B3GAT3: variants seen among roughly 807,000 people sequenced by gnomAD.
B3GAT3 encodes galactosylgalactosylxylosylprotein 3-beta-glucuronosyltransferase 3.
A neutral mutation model predicts 33.1 loss-of-function variants in B3GAT3; 19 were observed. The observed-to-expected ratio is 0.57, with a 90% CI of 0.40 to 0.84. The LOEUF (loss-of-function observed/expected upper bound fraction) is 0.84. B3GAT3 is among the 40% of genes least tolerant of loss of function. The probability of loss-of-function intolerance (pLI) is 0.00; values close to 1 mark genes in which losing one functional copy is unlikely to be tolerated. For missense variants in B3GAT3, 344 were observed against 441.5 expected (o/e 0.78, Z 1.98); for synonymous variants, 167 against 193.5 (o/e 0.86, Z 1.14).
intron 4 of B3GAT3, chr11:62,616,176 G>A (rs531594745): frequency 2.4e-4 from 131 of 537,182 alleles, no homozygotes; most frequent in African/African-American, 2.1e-3. Context: ...CCCGGGAGGC[G>A]GAGCTTGCGC....
In B3GAT3 at chr11:62,615,380, C is replaced by G; in HGVS notation, c.*321G>C. 1 of 497,462 alleles carries G rather than the reference C, an allele frequency of 2.0e-6. No individual in the cohort carries two copies. Among genetic ancestry groups the G allele is most frequent in the South Asian group, 2.1e-5 (1 of 48,476 alleles). The allele number at this position is 497,462 out of a possible 1,614,324, so 30.8% of individuals were successfully genotyped here. Reference sequence around the variant, plus strand: ...GGGTCCAGCCCAGCTCCTCCAGCCCCCCAGTGCATGCCCAGCCCCAATAAG... The same window carrying G: ...GGGTCCAGCCCAGCTCCTCCAGCCCGCCAGTGCATGCCCAGCCCCAATAAG... On this transcript the variant is annotated 3_prime_UTR_variant, in exon 5 of 5. Coordinates refer to ENST00000265471, the MANE Select transcript of B3GAT3 (RefSeq NM_012200.4).
intron 4 of B3GAT3, 89 bp from the exon 5 acceptor site, chr11:62,615,888 C>A: frequency 6.4e-7 from 1 of 1,558,378 alleles, no homozygotes; most frequent in South Asian, 1.2e-5. Flanking sequence ...CTAACCCTAT[C>A]GACATATACA....
intron 2 of B3GAT3, among the ~76,000 whole-genome samples, chr11:62,618,117 C>T (rs1036145371): frequency 1.6e-5 from 2 of 123,586 alleles, no homozygotes; most frequent in Non-Finnish European, 3.1e-5. Flanking sequence ...GCGAAGGTTG[C>T]AGTGAGCCGA....
At position 62,617,258 on chromosome 11, in the gene B3GAT3, C is replaced by T. The variant is rs959106525; in HGVS notation, c.347G>A (p.Gly116Asp). 3.1e-6 allele frequency: 5 copies of T among 1,612,950 alleles called. No individual in the cohort carries two copies. The African/African-American group carries it at 6.7e-5, about 22-fold the overall frequency. The stretch of plus-strand genomic sequence containing the variant: ...CAGCCCTGAGACCAGCGGGGTGGGA[C>T]CCTCAGCATCCTCCACCAGCAGCCA... ...LHWLLVEDAE[G>D]PTPLVSGLLA... Residue 116 changes from glycine to aspartate, a missense_variant, in exon 3 of 5, where the codon GGT becomes GAT. Transcript: ENST00000265471.
intron 2 of B3GAT3, among the ~76,000 whole-genome samples, chr11:62,617,624 T>TCCC (rs1943060021): frequency 6.6e-6 from 1 of 151,914 alleles, no homozygotes; most frequent in Admixed American, 6.5e-5. Flanking sequence ...ACACCTATAA[T>TCCC]AACACTTTGG....
At chr11:62,621,829 G>A (rs910336339) in intron 1 of B3GAT3, 37 bp downstream of exon 1, 20 of 1,579,550 alleles carry the variant, frequency 1.3e-5, no homozygotes, top group Non-Finnish European at 1.7e-5. Context: ...GGGCGCCCTC[G>A]GGCCAGCCCG....
chr11:62,618,765 C>T (rs528642651), intron 2 of B3GAT3, among the ~76,000 whole-genome samples: 11 of 151,528 alleles, frequency 7.3e-5, no homozygotes, highest in South Asian at 6.3e-4. Context: ...AGGTGGAACA[C>T]GAAGTCAGGA....
rs1943127121 is a variant in B3GAT3, at chr11:62,620,614, T to C, written c.140A>G (p.Lys47Arg). 6.2e-7 allele frequency: 1 copy of C among 1,612,756 alleles called. No individual in the cohort carries two copies. The highest frequency in any genetic ancestry group is 8.5e-7 in the Non-Finnish European group (1 of 1,179,408). ...LRAAAEQLRQ[K>R]DLRISQLQAE... ...TTGCAGCTGGGAAATCCTCAGATCC[T>C]TCTGCCGTAGCTGCTCGGCTGCTGC... Residue 47 changes from lysine (K) to arginine (R), a missense_variant, in exon 2 of 5, where the codon AAG (lysine) becomes AGG (arginine). Coordinates refer to ENST00000265471, the MANE Select transcript of B3GAT3 (RefSeq NM_012200.4).
At position 62,616,576 on chromosome 11, in the gene B3GAT3, A is replaced by G. The variant is rs1347229344; in HGVS notation, c.839T>C (p.Leu280Pro). The G allele has an allele frequency of 6.2e-7, 1 of 1,614,118 alleles. No homozygotes were observed. The highest frequency in any genetic ancestry group is 1.7e-5 in the Admixed American group (1 of 60,010). ...QFDSTAPRGHLESSLLSHLVD... is the reference protein window; with the variant it reads ...QFDSTAPRGHPESSLLSHLVD... ...AAGGTGGCTCAGAAGACTGCTCTCC[A>G]GGTGGCCCCGGGGAGCGGTGGAATC... is the stretch of plus-strand genomic sequence containing the variant. The change falls in exon 4 of 5, where the codon CTG (leucine) becomes CCG (proline). Residue 280 changes from leucine (L) to proline (P), a missense_variant. By Grantham distance (98) the Leu-to-Pro change is moderately conservative (BLOSUM62 -3). Transcript: ENST00000265471.
Position 62,615,492 on chromosome 11 carries a change from G to C in B3GAT3, c.*209C>G, listed in dbSNP as rs1185273971. 2.2e-6 allele frequency: 2 copies of C among 907,036 alleles called. No homozygotes were observed. Among genetic ancestry groups the C allele is most frequent in the African/African-American group, 3.3e-5 (2 of 60,378 alleles). 56.2% of individuals were successfully genotyped at this position (907,036 alleles called of 1,614,324 possible). A position where few individuals can be genotyped will look rare whatever the true frequency, so the allele number is the denominator to read the frequency against. On this transcript the variant is annotated 3_prime_UTR_variant, in exon 5 of 5. Coordinates refer to ENST00000265471, the MANE Select transcript of B3GAT3 (RefSeq NM_012200.4). ...CAGGGCCAACCTGACTCAACACAAGGGCTGCTTGTCCCCAGCCTGTGGGCA... is the reference window on the plus strand; with the variant it reads ...CAGGGCCAACCTGACTCAACACAAGCGCTGCTTGTCCCCAGCCTGTGGGCA...
rs954343039 is a variant in B3GAT3, at chr11:62,616,933, A to G, written c.618+54T>C. ...AACGGCAACACTGCTAACCAAGGTA[A>G]CGAATGAAGCTGGCCGCACCTGGTC... On this transcript the variant is annotated intron_variant, in intron 3 of 4. Transcript: ENST00000265471. The G allele has an allele frequency of 1.2e-5, 20 of 1,613,668 alleles. No homozygotes were observed. The African/African-American group carries it at 2.5e-4, about 20-fold the overall frequency.
At chr11:62,616,258 AC>A (rs1943024126) in intron 4 of B3GAT3, 18 of 614,618 alleles carry the variant, frequency 2.9e-5, no homozygotes, top group Middle Eastern at 2.6e-4. Flanking sequence ...AAAAAAAAAA[AC>A]AACAAACAGG....
chr11:62,616,853 A>G, intron 3 of B3GAT3, 57 bp from the exon 4 acceptor site: 1 of 1,612,740 alleles, frequency 6.2e-7, no homozygotes, highest in Non-Finnish European at 8.5e-7. Flanking sequence ...GGAGCAGCAG[A>G]AAGAGCCACC....
intron 1 of B3GAT3, among the ~76,000 whole-genome samples, chr11:62,621,485 C>T (rs1188381579): frequency 6.6e-6 from 1 of 152,086 alleles, no homozygotes; most frequent in African/African-American, 2.4e-5. Context: ...GCCCGGGAAA[C>T]GCTGGAAGCA....
chr11:62,620,389 T>C, intron 2 of B3GAT3, 108 bp downstream of exon 2: 1 of 1,007,728 alleles, frequency 9.9e-7, no homozygotes, highest in Non-Finnish European at 1.5e-6. Context: ...GTCTTTGGCA[T>C]GCTCTAGTTT....
In B3GAT3 at chr11:62,621,922, AAC is replaced by A; in HGVS notation, c.24_25del (p.Phe9SerfsTer23). 1.2e-6 allele frequency: 2 copies of A among 1,612,998 alleles called. No homozygotes were observed. Among genetic ancestry groups the A allele is most frequent in the Non-Finnish European group, 8.5e-7 (1 of 1,179,346 alleles). On this transcript the variant is annotated frameshift_variant, in exon 1 of 5. Coordinates refer to ENST00000265471, the MANE Select transcript of B3GAT3 (RefSeq NM_012200.4). LOFTEE classifies it high-confidence loss of function. Reference sequence around the variant, plus strand: ...GATCGACACCAGGAAGTAGGCGAGAAACACGTTCTTCAGCTTCAGCTTCATGG... The same window carrying A: ...GATCGACACCAGGAAGTAGGCGAGAAACGTTCTTCAGCTTCAGCTTCATGG...
intron 3 of B3GAT3, 21 bp downstream of exon 3, chr11:62,616,966 C>T (rs780020385): frequency 3.2e-5 from 52 of 1,614,062 alleles, no homozygotes; most frequent in Non-Finnish European, 4.2e-5. Context: ...GTCTCTTGCC[C>T]ATCCCCATCC....
Position 62,617,051 on chromosome 11 carries a change from C to T in B3GAT3, c.554G>A (p.Gly185Glu), listed in dbSNP as rs140755387. Residue 185 changes from glycine (G) to glutamate (E), a missense_variant, in exon 3 of 5, where the codon GGG becomes GAG. Coordinates refer to ENST00000265471, the MANE Select transcript of B3GAT3 (RefSeq NM_012200.4). The part of the protein sequence containing the change: ...VGGEKDPPPP[G>E]TQGVVYFADD... ...AGCAAAGTAGACGACTCCTTGGGTC[C>T]CTGGTGGTGGTGGGTCCTTCTCCCC... 1.5e-3 allele frequency: 2,375 copies of T among 1,614,058 alleles called. 8 individuals are homozygous for T. The highest frequency in any genetic ancestry group is 1.8e-3 in the Non-Finnish European group (2,070 of 1,180,048).
At chr11:62,620,785 C>G in intron 1 of B3GAT3, 114 bp from the exon 2 acceptor site, 1 of 1,026,342 alleles carries the variant, frequency 9.7e-7, no homozygotes, top group South Asian at 1.5e-5. Context: ...GCAGGTATCA[C>G]CTTATGACTT....
Sources: allele counts gnomAD v4.1 joint callset (sites outside exome capture counted in the v4.1 genomes callset), GRCh38; gene constraint gnomAD v4.1.1; transcripts MANE v1.5; gene names NCBI Gene and HGNC (gene_info 2026-07-23, HGNC 2026-07-21).